Variants in ADAM23 observed in about 807,000 individuals in gnomAD.
ADAM23 encodes disintegrin and metalloproteinase domain-containing protein 23.
ADAM23 carries 33 observed loss-of-function variants against 120.1 expected under a neutral mutation model. The observed-to-expected ratio is 0.27, with a 90% CI of 0.21 to 0.37. The LOEUF (loss-of-function observed/expected upper bound fraction) is 0.37, where lower values mean the gene tolerates loss of function less well. Ranked by LOEUF, ADAM23 falls within the 10% of genes least tolerant of loss-of-function variation. ADAM23 has a pLI of 1.00. For synonymous variants in ADAM23, 367 were observed against 375.2 expected (o/e 0.98, Z 0.25); for missense variants, 862 against 1,058.2 (o/e 0.81, Z 2.57).
chr2:206,564,617 A>G (rs562633890), intron 13 of ADAM23, among the ~76,000 whole-genome samples: 2 of 152,340 alleles, frequency 1.3e-5, no homozygotes, highest in South Asian at 2.1e-4. Context: ...AGAGGTAGAA[A>G]CACTGAGACC....
Position 206,455,964 on chromosome 2 carries a change from T to C in ADAM23, c.432+10440T>C, listed in dbSNP as rs1031389463. Among the ~76,000 whole-genome samples the C allele has an allele frequency of 1.1e-4, 16 of 152,298 alleles. 2 individuals are homozygous for C. In the South Asian group the frequency reaches 1.2e-3, roughly 12 times the overall value. Reference sequence around the variant, plus strand: ...CTGTCTTCTTCTGAGCCCTCCAAACTGTTCCAACCTCCGCCTGTTACCCAG... The same window carrying C: ...CTGTCTTCTTCTGAGCCCTCCAAACCGTTCCAACCTCCGCCTGTTACCCAG... On this transcript the variant is annotated intron_variant, in intron 2 of 25. Coordinates refer to ENST00000264377, the MANE Select transcript of ADAM23 (RefSeq NM_003812.4).
intron 3 of ADAM23, among the ~76,000 whole-genome samples, chr2:206,502,951 G>A (rs987801334): frequency 5.9e-5 from 9 of 152,202 alleles, no homozygotes; most frequent in South Asian, 4.1e-4. Context: ...TAGATTCCCC[G>A]TGGCTCTCCA....
intron 18 of ADAM23, among the ~76,000 whole-genome samples, chr2:206,584,635 G>A (rs1215832472): frequency 6.6e-6 from 1 of 152,036 alleles, no homozygotes; most frequent in Non-Finnish European, 1.5e-5. Flanking sequence ...TCTGAGCTCA[G>A]ACACGCCTAG....
chr2:206,559,460 C>T (rs1278506052), intron 10 of ADAM23, among the ~76,000 whole-genome samples: 1 of 152,002 alleles, frequency 6.6e-6, no homozygotes, highest in Non-Finnish European at 1.5e-5. Flanking sequence ...TCTCTCTCTC[C>T]CAATGTTATT....
intron 9 of ADAM23, among the ~76,000 whole-genome samples, chr2:206,555,375 A>T (rs1171293499): frequency 6.6e-6 from 1 of 152,122 alleles, no homozygotes; most frequent in Non-Finnish European, 1.5e-5. Flanking sequence ...CACATCCTAT[A>T]CATCATCCAG....
intron 2 of ADAM23, among the ~76,000 whole-genome samples, chr2:206,459,656 C>T (rs79747929): frequency 0.065 from 9,821 of 152,174 alleles, 490 homozygotes; most frequent in Admixed American, 0.12. Flanking sequence ...ACTATTTAAC[C>T]TATATCTCCA....
At chr2:206,480,231 C>G (rs1032201006) in intron 2 of ADAM23, among the ~76,000 whole-genome samples, 10 of 151,918 alleles carry the variant, frequency 6.6e-5, no homozygotes, top group Non-Finnish European at 1.2e-4. Flanking sequence ...TTTCAATCAT[C>G]ATAAATACAG....
At chr2:206,449,466 T>C (rs764457742) in intron 2 of ADAM23, among the ~76,000 whole-genome samples, 5 of 152,204 alleles carry the variant, frequency 3.3e-5, no homozygotes, top group Non-Finnish European at 7.3e-5. Context: ...CCTGAAACTT[T>C]AGTCAAAAAC....
rs1698488119 is a variant in ADAM23 at position 206,594,718 on chromosome 2, G to T, written c.2079-19G>T. ...TAAGTGTGGTGCAAATAGTTATATGGGTATCTTTCTTGTTTTAGTGGTGCC... is the reference window on the plus strand; with the variant it reads ...TAAGTGTGGTGCAAATAGTTATATGTGTATCTTTCTTGTTTTAGTGGTGCC... On this transcript the variant is annotated intron_variant, in intron 22 of 25. Coordinates refer to ENST00000264377, the MANE Select transcript of ADAM23 (RefSeq NM_003812.4). 1 of 1,613,710 alleles carries T rather than the reference G, an allele frequency of 6.2e-7. No individual in the cohort carries two copies. Among genetic ancestry groups the T allele is most frequent in the African/African-American group, 1.3e-5 (1 of 75,020 alleles).
chr2:206,504,134 C>G (rs1224901924), intron 3 of ADAM23, among the ~76,000 whole-genome samples: 1 of 151,928 alleles, frequency 6.6e-6, no homozygotes, highest in Non-Finnish European at 1.5e-5. Flanking sequence ...TTGATATAAT[C>G]TTTATATATC....
intron 8 of ADAM23, among the ~76,000 whole-genome samples, chr2:206,549,072 C>T (rs1230182843): frequency 1.3e-5 from 2 of 152,058 alleles, no homozygotes; most frequent in East Asian, 1.9e-4. Context: ...ATTAATTCCA[C>T]AGCTTATACA....
intron 2 of ADAM23, among the ~76,000 whole-genome samples, chr2:206,455,642 A>ATG: frequency 6.6e-6 from 1 of 152,276 alleles, no homozygotes; most frequent in East Asian, 1.9e-4. Flanking sequence ...ATGGGCACAT[A>ATG]CTTTTAGAAG....
In ADAM23 at chr2:206,443,935, C is replaced by T. The variant is rs1333648249; in HGVS notation, c.69C>T (p.Cys23=). The T allele has an allele frequency of 8.1e-7, 1 of 1,241,512 alleles. No individual in the cohort carries two copies. The highest frequency in any genetic ancestry group is 1.0e-6 in the Non-Finnish European group (1 of 996,984). The allele number at this position is 1,241,512 out of a possible 1,614,324, so 76.9% of individuals were successfully genotyped here. A position where few individuals can be genotyped will look rare whatever the true frequency, so the allele number is the denominator to read the frequency against. ...LAGCSLAGAS[C]GPQRGPAGSV... ...GCTGCAGCCTTGCCGGCGCTTCCTG[C>T]GGCCCCCAACGCGGCCCCGCCGGCT... Residue 23 remains cysteine (C), a synonymous_variant, in exon 1 of 26, where the codon TGC becomes TGT. Coordinates refer to ENST00000264377, the MANE Select transcript of ADAM23 (RefSeq NM_003812.4).
Position 206,587,344 on chromosome 2 carries a change from A to G in ADAM23, c.1757A>G (p.Lys586Arg). Residue 586 changes from lysine (K) to arginine (R), a missense_variant, in exon 19 of 26, where the codon AAG (lysine) becomes AGG (arginine). Coordinates refer to ENST00000264377, the MANE Select transcript of ADAM23 (RefSeq NM_003812.4). ...DSGQCPPNLH[K>R]QDGYACNQNQ... ...TTGCAGTGCCCACCAAATCTTCATAAGCAAGACGGATATGCATGCAATCAA... is the reference window on the plus strand; with the variant it reads ...TTGCAGTGCCCACCAAATCTTCATAGGCAAGACGGATATGCATGCAATCAA... 1.2e-6 allele frequency: 2 copies of G among 1,608,596 alleles called. No homozygotes were observed. The highest frequency in any genetic ancestry group is 1.7e-6 in the Non-Finnish European group (2 of 1,177,184).
At chr2:206,547,295 C>T in intron 6 of ADAM23, 134 bp from the exon 7 acceptor site, 1 of 597,258 alleles carries the variant, frequency 1.7e-6, no homozygotes. Flanking sequence ...ACATACTTTT[C>T]ACTTTTGATA....
rs1313228338 is a variant in ADAM23 at position 206,619,176 on chromosome 2, T to C, written c.*1549T>C. ...GTGCTGTGCTTTCAAGAAACCTTGTTTGACCTCTGGCATTTTACTGATCAG... is the reference window on the plus strand; with the variant it reads ...GTGCTGTGCTTTCAAGAAACCTTGTCTGACCTCTGGCATTTTACTGATCAG... On this transcript the variant is annotated 3_prime_UTR_variant, in exon 26 of 26. Transcript: ENST00000264377. 6.6e-6 allele frequency: 1 copy of C among 152,246 alleles called. No individual in the cohort carries two copies. Among genetic ancestry groups the C allele is most frequent in the East Asian group, 1.9e-4 (1 of 5,198 alleles). The allele number at this position is 152,246 out of a possible 1,614,324, so 9.4% of individuals were successfully genotyped here. A position where few individuals can be genotyped will look rare whatever the true frequency, so the allele number is the denominator to read the frequency against.
chr2:206,618,054 C>T lies in ADAM23; in HGVS notation c.*427C>T, dbSNP rs1215072583. The T allele has an allele frequency of 6.3e-6, 1 of 158,334 alleles. No individual in the cohort carries two copies. Among genetic ancestry groups the T allele is most frequent in the African/African-American group, 2.4e-5 (1 of 41,370 alleles). The allele number at this position is 158,334 out of a possible 1,614,324, so 9.8% of individuals were successfully genotyped here. A position where few individuals can be genotyped will look rare whatever the true frequency, so the allele number is the denominator to read the frequency against. ...TTTTTTCTTTACTACCGATGACAAACTCCAGTGGCATGAAGATCTAATTTT... is the reference window on the plus strand; with the variant it reads ...TTTTTTCTTTACTACCGATGACAAATTCCAGTGGCATGAAGATCTAATTTT... On this transcript the variant is annotated 3_prime_UTR_variant, in exon 26 of 26. Transcript: ENST00000264377.
At chr2:206,573,600 T>G (rs1015615753) in intron 18 of ADAM23, among the ~76,000 whole-genome samples, 3 of 151,990 alleles carry the variant, frequency 2.0e-5, no homozygotes, top group African/African-American at 7.3e-5. Context: ...TTCTTGTACT[T>G]ATTCACACCT....
chr2:206,456,671 G>T (rs925885308), intron 2 of ADAM23, among the ~76,000 whole-genome samples: 4 of 152,116 alleles, frequency 2.6e-5, no homozygotes, highest in Non-Finnish European at 5.9e-5. Context: ...GACAGTGAGG[G>T]AGTCATCCTG....
Sources: allele counts gnomAD v4.1 joint callset (sites outside exome capture counted in the v4.1 genomes callset), GRCh38; gene constraint gnomAD v4.1.1; transcripts MANE v1.5; gene names NCBI Gene and HGNC (gene_info 2026-07-23, HGNC 2026-07-21).